HAPLN3: variants seen among roughly 807,000 people sequenced by gnomAD.
HAPLN3 encodes extracellular link domain containing, 1.
HAPLN3 carries 28 observed loss-of-function variants against 28.1 expected under a neutral mutation model. That is an observed-to-expected ratio of 1.00 (90% confidence interval 0.74 to 1.37). The LOEUF (loss-of-function observed/expected upper bound fraction) is 1.37, where lower values mean the gene tolerates loss of function less well. Among genes scored for constraint, HAPLN3 ranks in the 40% most tolerant of loss-of-function variants. The pLI, the probability that HAPLN3 is intolerant of heterozygous loss-of-function variation, is 0.00. For missense variants in HAPLN3, 513 were observed against 504.6 expected (o/e 1.02, Z -0.16); for synonymous variants, 211 against 213.1 (o/e 0.99, Z 0.09).
intron 1 of HAPLN3, chr15:88,893,023 C>T: frequency 6.6e-7 from 1 of 1,507,102 alleles, no homozygotes; most frequent in Middle Eastern, 1.7e-4. Flanking sequence ...TCTGGGCACT[C>T]AGACCTGGGC....
chr15:88,886,595 C>A (rs111642623), intron 2 of HAPLN3, among the ~76,000 whole-genome samples: 13,126 of 152,016 alleles, frequency 0.086, 730 homozygotes, highest in South Asian at 0.18. Flanking sequence ...GAGGTCGAGG[C>A]AGGTGGATCA....
rs753755323 is a variant in HAPLN3, at chr15:88,881,744, T to C, written c.125-19A>G. ...AGGAGGTCTTGGGGGAGAGACAGGG[T>C]GCAGATGAGACCTGCTGAAGCACAT... On this transcript the variant is annotated intron_variant, in intron 2 of 4. Transcript: ENST00000359595. The surrounding 1 kb of genome is among the most constrained non-coding windows in gnomAD (Gnocchi z 6.0). The C allele has an allele frequency of 6.4e-5, 102 of 1,594,154 alleles. No individual in the cohort carries two copies. Among genetic ancestry groups the C allele is most frequent in the Non-Finnish European group, 8.1e-5 (95 of 1,168,358 alleles).
rs2141656738 is a variant in HAPLN3, at chr15:88,879,960, G to A, written c.494-691C>T. On this transcript the variant is annotated intron_variant, in intron 3 of 4. Coordinates refer to ENST00000359595, the MANE Select transcript of HAPLN3 (RefSeq NM_178232.4). The surrounding 1 kb of genome is among the most constrained non-coding windows in gnomAD (Gnocchi z 5.0). ...TCTCTACCAAGTCAATGAAACCTTAGGGAGTGGAGGTGACCCTAGGGGTCT... is the reference window on the plus strand; with the variant it reads ...TCTCTACCAAGTCAATGAAACCTTAAGGAGTGGAGGTGACCCTAGGGGTCT... 1.0e-6 allele frequency: 1 copy of A among 1,003,834 alleles called. No homozygotes were observed. Among genetic ancestry groups the A allele is most frequent in the South Asian group, 4.3e-5 (1 of 23,350 alleles). 62.2% of individuals were successfully genotyped at this position (1,003,834 alleles called of 1,614,324 possible).
chr15:88,878,418 G>A (rs913726865), intron 4 of HAPLN3, among the ~76,000 whole-genome samples, 162 bp from the exon 5 acceptor site: 1 of 152,148 alleles, frequency 6.6e-6, no homozygotes, highest in African/African-American at 2.4e-5. Context: ...CTGTCCCAGA[G>A]AGCTCTGTCC....
intron 1 of HAPLN3, chr15:88,893,255 T>C (rs1037734919): frequency 5.1e-6 from 3 of 593,118 alleles, no homozygotes; most frequent in African/African-American, 3.7e-5. Context: ...CCATCTCTAA[T>C]GAAAATACAA....
In HAPLN3 at chr15:88,880,597, C is replaced by T. The variant is rs75675606; in HGVS notation, c.493+760G>A. On this transcript the variant is annotated intron_variant, in intron 3 of 4. Coordinates refer to ENST00000359595, the MANE Select transcript of HAPLN3 (RefSeq NM_178232.4). This position sits in a 1 kb window ranked among gnomAD's most constrained non-coding sequence, Gnocchi z 6.0. ...CTAACATGTGGGAGAGATGTGAGGA[C>T]ACACAGCCCCATCCTAGAGACAGAG... 2,394 of 1,288,686 alleles carry T rather than the reference C, an allele frequency of 1.9e-3. 46 individuals are homozygous for T. The African/African-American group carries it at 0.032, about 17-fold the overall frequency. The allele number at this position is 1,288,686 out of a possible 1,614,324, so 79.8% of individuals were successfully genotyped here. A position where few individuals can be genotyped will look rare whatever the true frequency, so the allele number is the denominator to read the frequency against.
In HAPLN3 at chr15:88,879,115, C is replaced by A; in HGVS notation, c.648G>T (p.Trp216Cys). 6.2e-7 allele frequency: 1 copy of A among 1,613,150 alleles called. No homozygotes were observed. The highest frequency in any genetic ancestry group is 8.5e-7 in the Non-Finnish European group (1 of 1,179,706). ...EEGLDWCNAGWLQDATVQYPI... is the reference protein window; with the variant it reads ...EEGLDWCNAGCLQDATVQYPI... ...GGTACTGCACCGTGGCATCCTGCAG[C>A]CAGCCCGCGTTGCACCAGTCCAGGC... Residue 216 changes from tryptophan (W) to cysteine (C), a missense_variant, in exon 4 of 5, where the codon TGG (tryptophan) becomes TGT (cysteine). Coordinates refer to ENST00000359595, the MANE Select transcript of HAPLN3 (RefSeq NM_178232.4). This position sits in a 1 kb window ranked among gnomAD's most constrained non-coding sequence, Gnocchi z 5.0.
chr15:88,893,925 T>C (rs1898083920), intron 1 of HAPLN3, among the ~76,000 whole-genome samples: 1 of 93,502 alleles, frequency 1.1e-5, no homozygotes. Context: ...TGAGACTCCA[T>C]CTCAAAAAAA....
intron 2 of HAPLN3, among the ~76,000 whole-genome samples, chr15:88,884,891 G>C (rs1897805304): frequency 6.6e-6 from 1 of 152,224 alleles, no homozygotes; most frequent in African/African-American, 2.4e-5. Context: ...GCAGCCACCA[G>C]AACCGGAAGA....
intron 1 of HAPLN3, among the ~76,000 whole-genome samples, chr15:88,892,022 C>G (rs1898025514): frequency 6.6e-6 from 1 of 152,182 alleles, no homozygotes; most frequent in Non-Finnish European, 1.5e-5. Flanking sequence ...TCATCTAGCA[C>G]AAATGCTCCC....
chr15:88,894,755 G>C (rs1325207177), intron 1 of HAPLN3, among the ~76,000 whole-genome samples: 1 of 152,196 alleles, frequency 6.6e-6, no homozygotes, highest in Non-Finnish European at 1.5e-5. Context: ...CTGGTGGCAG[G>C]ACTGGGTCCA....
chr15:88,887,154 C>G (rs770044380), intron 2 of HAPLN3, 21 bp downstream of exon 2: 1 of 1,613,806 alleles, frequency 6.2e-7, no homozygotes, highest in Non-Finnish European at 8.5e-7. Context: ...AGCAAAGAGC[C>G]GGGTGCAGGA....
Position 88,881,097 on chromosome 15 carries a change from G to C in HAPLN3, c.493+260C>G, listed in dbSNP as rs1897683504. The C allele has an allele frequency of 1.9e-6, 1 of 527,752 alleles. No individual in the cohort carries two copies. The highest frequency in any genetic ancestry group is 1.9e-5 in the African/African-American group (1 of 52,180). 32.7% of individuals were successfully genotyped at this position (527,752 alleles called of 1,614,324 possible). Reference sequence around the variant, plus strand: ...GAATTACAGCGGGTAGAGGGGAACAGATTCTAGAGGCTGGGTGCTTGGGTT... The same window carrying C: ...GAATTACAGCGGGTAGAGGGGAACACATTCTAGAGGCTGGGTGCTTGGGTT... On this transcript the variant is annotated intron_variant, in intron 3 of 4. Coordinates refer to ENST00000359595, the MANE Select transcript of HAPLN3 (RefSeq NM_178232.4). This position sits in a 1 kb window ranked among gnomAD's most constrained non-coding sequence, Gnocchi z 6.0.
At position 88,878,233 on chromosome 15, in the gene HAPLN3, G is replaced by A. The variant is rs765654824; in HGVS notation, c.820C>T (p.Pro274Ser). Residue 274 changes from proline (P) to serine (S), a missense_variant, in exon 5 of 5, where the codon CCT becomes TCT. Transcript: ENST00000359595. ...LKGRVYYLEH[P>S]EKLTLTEARE... Reference sequence around the variant, plus strand: ...GCCTCTGTCAGCGTCAGCTTCTCAGGGTGCTCCAGGTAGTACACCCGCCCT... The same window carrying A: ...GCCTCTGTCAGCGTCAGCTTCTCAGAGTGCTCCAGGTAGTACACCCGCCCT... 3.7e-6 allele frequency: 6 copies of A among 1,613,594 alleles called. No homozygotes were observed. Among genetic ancestry groups the A allele is most frequent in the Non-Finnish European group, 4.2e-6 (5 of 1,179,702 alleles).
Position 88,881,309 on chromosome 15 carries a change from C to G in HAPLN3, c.493+48G>C. On this transcript the variant is annotated intron_variant, in intron 3 of 4. Coordinates refer to ENST00000359595, the MANE Select transcript of HAPLN3 (RefSeq NM_178232.4). This position sits in a 1 kb window ranked among gnomAD's most constrained non-coding sequence, Gnocchi z 6.0. Reference sequence around the variant, plus strand: ...CTGGATGTTTTCTCTGGTCCTCTCCCCTCTGCTCTCAGGTCCCAGTGTCAC... The same window carrying G: ...CTGGATGTTTTCTCTGGTCCTCTCCGCTCTGCTCTCAGGTCCCAGTGTCAC... 1 of 1,570,646 alleles carries G rather than the reference C, an allele frequency of 6.4e-7. No homozygotes were observed. Among genetic ancestry groups the G allele is most frequent in the Non-Finnish European group, 8.6e-7 (1 of 1,158,444 alleles).
chr15:88,891,692 A>G (rs1456104672), intron 1 of HAPLN3, among the ~76,000 whole-genome samples: 1 of 152,232 alleles, frequency 6.6e-6, no homozygotes, highest in African/African-American at 2.4e-5. Context: ...AGACTAAGTC[A>G]TATGCCCAAG....
At position 88,886,121 on chromosome 15, in the gene HAPLN3, G is replaced by A. The variant is rs1483398563; in HGVS notation, c.124+1054C>T. On this transcript the variant is annotated intron_variant, in intron 2 of 4. Transcript: ENST00000359595. Reference sequence around the variant, plus strand: ...TCCCAGCATTTTGGGAGGCTGAGGCGGGTGGATCACCTGAGGTCAAGAGTT... The same window carrying A: ...TCCCAGCATTTTGGGAGGCTGAGGCAGGTGGATCACCTGAGGTCAAGAGTT... Among the ~76,000 whole-genome samples, 11 of 151,612 alleles carry A rather than the reference G, an allele frequency of 7.3e-5. No homozygotes were observed. The East Asian group carries it at 1.6e-3, about 22-fold the overall frequency.
At chr15:88,885,436 C>T (rs558278981) in intron 2 of HAPLN3, among the ~76,000 whole-genome samples, 4 of 150,334 alleles carry the variant, frequency 2.7e-5, no homozygotes, top group Admixed American at 6.7e-5. Flanking sequence ...CCACCACACC[C>T]GGCTAATTTT....
In HAPLN3 at chr15:88,888,186, G is replaced by T. The variant is rs140583752; in HGVS notation, c.-47-841C>A. Among the ~76,000 whole-genome samples the T allele has an allele frequency of 6.6e-6, 1 of 150,868 alleles. No homozygotes were observed. The highest frequency in any genetic ancestry group is 2.4e-5 in the African/African-American group (1 of 40,972). ...TGCTCACTGCAACCTCCGCCTCCTG[G>T]GTTCAAGAAATTCTCCTGCCTCAGC... On this transcript the variant is annotated intron_variant, in intron 1 of 4. Transcript: ENST00000359595. The surrounding 1 kb of genome is among the most constrained non-coding windows in gnomAD (Gnocchi z 4.1).
Sources: gnomAD v4.1 joint callset for allele counts (sites outside exome capture counted in the v4.1 genomes callset) on GRCh38, gnomAD v4.1.1 for gene constraint, Gnocchi (gnomAD v3.1) non-coding constraint, MANE v1.5 for transcripts, NCBI Gene and HGNC (gene_info 2026-07-23, HGNC 2026-07-21) for gene names.